GOLM2: variants seen among roughly 807,000 people sequenced by gnomAD.
The protein encoded by GOLM2 is protein GOLM2.
Under a neutral mutation model 55.9 loss-of-function variants are expected in GOLM2, and 26 were observed. That is an observed-to-expected ratio of 0.47 (90% confidence interval 0.34 to 0.65). The LOEUF is 0.65. Among genes scored for constraint, GOLM2 ranks in the 30% least tolerant of loss-of-function variants. The pLI, the probability that GOLM2 is intolerant of heterozygous loss-of-function variation, is 0.01. For synonymous variants in GOLM2, 165 were observed against 194.6 expected, an observed-to-expected ratio of 0.85 and a Z score of 1.27; for missense variants, 486 against 531.8, an observed-to-expected ratio of 0.91 and a Z score of 0.85.
At chr15:44,374,561 C>T (rs1410420824) in intron 6 of GOLM2, among the ~76,000 whole-genome samples, 1 of 152,084 alleles carries the variant, frequency 6.6e-6, no homozygotes, top group East Asian at 1.9e-4. Flanking sequence ...GTTTAATCAG[C>T]TCATGGTTCT....
intron 6 of GOLM2, among the ~76,000 whole-genome samples, chr15:44,361,532 G>A (rs1158142466): frequency 6.6e-6 from 1 of 150,580 alleles, no homozygotes; most frequent in African/African-American, 2.5e-5. Flanking sequence ...AATAACAGGA[G>A]CTGAAATTGT....
intron 6 of GOLM2, among the ~76,000 whole-genome samples, chr15:44,369,121 G>A (rs1332367727): frequency 1.6e-4 from 9 of 56,580 alleles, no homozygotes; most frequent in East Asian, 1.3e-3. Context: ...ATATATACCC[G>A]GCTACCACAC....
intron 6 of GOLM2, among the ~76,000 whole-genome samples, chr15:44,376,810 G>GTTTATATTTA (rs138686990): frequency 0.068 from 10,329 of 151,950 alleles, 627 homozygotes; most frequent in East Asian, 0.19. Context: ...TATAGTAGGT[G>GTTTATATTTA]TGGGGCTTAT....
chr15:44,359,721 G>C (rs1323232932), intron 6 of GOLM2, among the ~76,000 whole-genome samples: 4 of 152,086 alleles, frequency 2.6e-5, no homozygotes, highest in Non-Finnish European at 4.4e-5. Flanking sequence ...GATACTCCTC[G>C]AGAAGAGCAA....
intron 6 of GOLM2, chr15:44,355,675 A>G (rs1192514954): frequency 1.8e-5 from 4 of 217,920 alleles, no homozygotes; most frequent in South Asian, 1.3e-4. Flanking sequence ...CATGGTCCAC[A>G]TGGCCTCCAA....
chr15:44,330,059 C>T (rs1336976340), intron 3 of GOLM2, among the ~76,000 whole-genome samples: 4 of 150,852 alleles, frequency 2.7e-5, no homozygotes, highest in South Asian at 2.1e-4. Context: ...CACAGGTGCC[C>T]GCCACCACGC....
intron 6 of GOLM2, among the ~76,000 whole-genome samples, chr15:44,349,171 A>T (rs1403790898): frequency 6.6e-6 from 1 of 151,164 alleles, no homozygotes; most frequent in African/African-American, 2.4e-5. Context: ...AGGCAGGAGA[A>T]TCGCTTGAAC....
In GOLM2 at chr15:44,297,229, C is replaced by G. The variant is rs138904242; in HGVS notation, c.327+7873C>G. On this transcript the variant is annotated intron_variant, in intron 1 of 9. Transcript: ENST00000299957. The stretch of plus-strand genomic sequence containing the variant: ...GCAGATCCCTAACTAGTCCCCTTTC[C>G]TTGGTCTCCATTTCTTTTTGTCAGT... 9.8e-5 allele frequency among the ~76,000 whole-genome samples: 15 copies of G among 152,340 alleles called. No homozygotes were observed. In the East Asian group the frequency reaches 2.9e-3, roughly 29 times the overall value.
intron 1 of GOLM2, among the ~76,000 whole-genome samples, chr15:44,300,083 A>G (rs1461272185): frequency 6.6e-6 from 1 of 151,180 alleles, no homozygotes. Flanking sequence ...CTGACAACAG[A>G]GCAAGACCCT....
chr15:44,310,610 G>C (rs2078869235), intron 1 of GOLM2, among the ~76,000 whole-genome samples: 1 of 151,496 alleles, frequency 6.6e-6, no homozygotes, highest in Non-Finnish European at 1.5e-5. Context: ...CAGGAGTTGG[G>C]ATCAAACTCC....
At position 44,289,278 on chromosome 15, in the gene GOLM2, G is replaced by C. The variant is rs766990879; in HGVS notation, c.249G>C (p.Gln83His). Reference protein sequence around the residue: ...LVDTHKKQIDQKEADYGRLSS... With the variant: ...LVDTHKKQIDHKEADYGRLSS... ...ACACGCACAAGAAACAGATCGACCA[G>C]AAGGAGGCCGACTACGGCCGCCTCA... is the stretch of plus-strand genomic sequence containing the variant. Residue 83 changes from glutamine (Q) to histidine (H), a missense_variant, in exon 1 of 10, where the codon CAG becomes CAC. Coordinates refer to ENST00000299957, the MANE Select transcript of GOLM2 (RefSeq NM_138423.4). This position sits in a 1 kb window ranked among gnomAD's most constrained non-coding sequence, Gnocchi z 4.8. 1.9e-6 allele frequency: 3 copies of C among 1,613,688 alleles called. No individual in the cohort carries two copies. Among genetic ancestry groups the C allele is most frequent in the Admixed American group, 3.3e-5 (2 of 59,954 alleles).
intron 8 of GOLM2, among the ~76,000 whole-genome samples, chr15:44,384,182 A>G (rs1199789922): frequency 4.6e-5 from 7 of 152,194 alleles, no homozygotes; most frequent in African/African-American, 1.7e-4. Context: ...TGTACAAACT[A>G]TCACCACTCT....
intron 8 of GOLM2, among the ~76,000 whole-genome samples, chr15:44,384,330 C>T (rs1385488613): frequency 4.6e-5 from 7 of 152,066 alleles, no homozygotes; most frequent in South Asian, 4.1e-4. Flanking sequence ...AGGAATCATA[C>T]GGCCAGGCGC....
At chr15:44,309,738 G>C (rs114124685) in intron 1 of GOLM2, among the ~76,000 whole-genome samples, 1,718 of 152,266 alleles carry the variant, frequency 0.011, 40 homozygotes, top group African/African-American at 0.04. Flanking sequence ...ACAATGCTAT[G>C]AGTCAGATAA....
At position 44,374,201 on chromosome 15, in the gene GOLM2, A is replaced by G. The variant is rs2079349155; in HGVS notation, c.803-5489A>G. Reference sequence around the variant, plus strand: ...ATAATACAAAAATCAGTGATAGGATAAAAACTATATGCTCTAATGGCTTTG... The same window carrying G: ...ATAATACAAAAATCAGTGATAGGATGAAAACTATATGCTCTAATGGCTTTG... On this transcript the variant is annotated intron_variant, in intron 6 of 9. Transcript: ENST00000299957. Among the ~76,000 whole-genome samples the G allele has an allele frequency of 2.0e-5, 3 of 152,222 alleles. No homozygotes were observed. In the South Asian group the frequency reaches 6.2e-4, roughly 31 times the overall value.
At chr15:44,395,352 C>T (rs889728324) in intron 8 of GOLM2, among the ~76,000 whole-genome samples, 4 of 151,838 alleles carry the variant, frequency 2.6e-5, no homozygotes, top group Non-Finnish European at 4.4e-5. Flanking sequence ...AATTGAAACC[C>T]GTAAACGAAC....
intron 9 of GOLM2, among the ~76,000 whole-genome samples, chr15:44,403,294 C>CTGGGAT (rs1292854559): frequency 1.3e-5 from 2 of 152,118 alleles, no homozygotes; most frequent in Non-Finnish European, 2.9e-5. Flanking sequence ...TCCCAAGTAG[C>CTGGGAT]TGGGATTACA....
At chr15:44,302,030 A>T (rs1287332191) in intron 1 of GOLM2, among the ~76,000 whole-genome samples, 1 of 152,120 alleles carries the variant, frequency 6.6e-6, no homozygotes, top group Non-Finnish European at 1.5e-5. Context: ...GGGAGCTAGA[A>T]TGAGTGTGAT....
intron 1 of GOLM2, among the ~76,000 whole-genome samples, chr15:44,300,216 A>AAGAGGG (rs1372688070): frequency 6.6e-6 from 1 of 150,482 alleles, no homozygotes; most frequent in African/African-American, 2.4e-5. Flanking sequence ...AAGAGGAAGA[A>AAGAGGG]AGAGGGAGAG....
Sources: gnomAD v4.1 joint callset for allele counts (sites outside exome capture counted in the v4.1 genomes callset) on GRCh38, gnomAD v4.1.1 for gene constraint, Gnocchi (gnomAD v3.1) non-coding constraint, MANE v1.5 for transcripts, NCBI Gene and HGNC (gene_info 2026-07-23, HGNC 2026-07-21) for gene names.